Variants in ZNF850 observed in about 807,000 individuals in gnomAD.
ZNF850 encodes putative zinc finger protein ENSP00000330994.
Under a neutral mutation model 11.9 loss-of-function variants are expected in ZNF850, and 2 were observed. The observed-to-expected ratio is 0.17, with a 90% confidence interval of 0.07 to 0.53. ZNF850 has a LOEUF of 0.53. Ranked by LOEUF, ZNF850 falls within the 20% of genes least tolerant of loss-of-function variation. The probability of loss-of-function intolerance (pLI) is 0.94; values close to 1 mark genes in which losing one functional copy is unlikely to be tolerated. For synonymous variants in ZNF850, 381 were observed against 443.0 expected, an observed-to-expected ratio of 0.86 and a Z score of 1.76; for missense variants, 1,014 against 1,316.4, an observed-to-expected ratio of 0.77 and a Z score of 3.55.
chr19:36,762,616 T>C lies in ZNF850; in HGVS notation c.-10A>G. The C allele has an allele frequency of 6.5e-7, 1 of 1,535,950 alleles. No individual in the cohort carries two copies. Among genetic ancestry groups the C allele is most frequent in the South Asian group, 1.2e-5 (1 of 84,052 alleles). On this transcript the variant is annotated 5_prime_UTR_variant, in exon 2 of 5. Transcript: ENST00000591344. ...GTACCTCCATGTTCATGAATATTCC[T>C]GTTGCAGCCAGCAAACCTCCTTCAT... is the stretch of plus-strand genomic sequence containing the variant.
chr19:36,750,471 G>T lies in ZNF850; in HGVS notation c.569C>A (p.Thr190Asn). Residue 190 changes from threonine to asparagine, a missense_variant, in exon 5 of 5, where the codon ACC (threonine) becomes AAC (asparagine). This residue lies in a region of ZNF850 where 835 missense variants were observed against 1,022.0 expected (regional missense o/e 0.82). Coordinates refer to ENST00000591344, the MANE Select transcript of ZNF850 (RefSeq NM_001193552.2). The stretch of plus-strand genomic sequence containing the variant: ...TTTATAGAGTTTTTCACCAGTATGG[G>T]TTTCTTGCTGTTGTGTAAGTTCTGA... ...YGSELTQQQE[T>N]HTGEKLYKCK... 6.5e-7 allele frequency: 1 copy of T among 1,536,286 alleles called. No homozygotes were observed. The highest frequency in any genetic ancestry group is 8.7e-7 in the Non-Finnish European group (1 of 1,146,926).
Position 36,749,216 on chromosome 19 carries a change from C to T in ZNF850, c.1824G>A (p.Gln608=). 1 of 1,599,108 alleles carries T rather than the reference C, an allele frequency of 6.3e-7. No individual in the cohort carries two copies. The highest frequency in any genetic ancestry group is 8.5e-7 in the Non-Finnish European group (1 of 1,174,876). ...FTVGSTLLQH[Q]QIHTGEKPYD... is the part of the protein sequence containing the mutation. ...AAGGTTTCTCACCAGTGTGAATTTGCTGATGTTGAAGTAGTGTTGAGCCAA... is the reference window on the plus strand; with the variant it reads ...AAGGTTTCTCACCAGTGTGAATTTGTTGATGTTGAAGTAGTGTTGAGCCAA... The change falls in exon 5 of 5, where the codon CAG becomes CAA. Residue 608 remains glutamine (Q), a synonymous_variant. Transcript: ENST00000591344.
intron 3 of ZNF850, 79 bp downstream of exon 3, chr19:36,762,226 G>T (rs2040523290): frequency 8.0e-7 from 1 of 1,243,420 alleles, no homozygotes. Context: ...CAATTCCCTA[G>T]GCAACAGGTG....
chr19:36,766,038 A>G (rs1305569654), intron 1 of ZNF850, among the ~76,000 whole-genome samples: 1 of 151,438 alleles, frequency 6.6e-6, no homozygotes, highest in Non-Finnish European at 1.5e-5. Context: ...ACAGGCACAC[A>G]CCACCACACC....
Position 36,768,289 on chromosome 19 carries a change from TC to T in ZNF850, c.-70+4435del, listed in dbSNP as rs1287791905. On this transcript the variant is annotated intron_variant, in intron 1 of 4. Transcript: ENST00000591344. Reference sequence around the variant, plus strand: ...TGTTCAATAAACGTAGGTTATTCCCTCCCTATCTCCATAAAATCATCAATTT... The same window carrying T: ...TGTTCAATAAACGTAGGTTATTCCCTCCTATCTCCATAAAATCATCAATTT... 2.6e-5 allele frequency among the ~76,000 whole-genome samples: 4 copies of T among 152,210 alleles called. No individual in the cohort carries two copies. In the East Asian group the frequency reaches 7.7e-4, roughly 29 times the overall value.
Position 36,761,713 on chromosome 19 carries a change from C to A in ZNF850, c.165G>T (p.Val55=), listed in dbSNP as rs766129215. 1.0e-4 allele frequency: 163 copies of A among 1,557,126 alleles called. No individual in the cohort carries two copies. The highest frequency in any genetic ancestry group is 1.3e-4 in the Non-Finnish European group (153 of 1,156,654). Residue 55 remains valine, a synonymous_variant, in exon 4 of 5, where the codon GTG becomes GTT. Transcript: ENST00000591344. The part of the protein sequence containing the change: ...SLGLSIPKPD[V]ISLLEQGKEP... ...CTTTCCCTTGCTCCAGTAAGGAAAT[C>A]ACATCAGGCTTTGGGATAGAGAGAC... is the stretch of plus-strand genomic sequence containing the variant.
chr19:36,750,247 A>G lies in ZNF850; in HGVS notation c.793T>C (p.Ser265Pro). 1 of 1,537,774 alleles carries G rather than the reference A, an allele frequency of 6.5e-7. No individual in the cohort carries two copies. The highest frequency in any genetic ancestry group is 8.7e-7 in the Non-Finnish European group (1 of 1,146,850). The stretch of plus-strand genomic sequence containing the variant: ...CTCCAATGTTGAATAAGATGTGCAG[A>G]CGGTCTAAAGGCCTTCACGGATTCC... ...CQESVKAFRP[S>P]AHLIQHWRIH... Residue 265 changes from serine (S) to proline (P), a missense_variant, in exon 5 of 5, where the codon TCT becomes CCT. Ser to Pro is a moderately conservative substitution (Grantham distance 74). Around this residue, in one of 2 missense-constraint regions of ZNF850, gnomAD observed 835 missense variants for 1,022.0 expected, o/e 0.82. Coordinates refer to ENST00000591344, the MANE Select transcript of ZNF850 (RefSeq NM_001193552.2).
chr19:36,752,765 C>T (rs1405337595), intron 4 of ZNF850, among the ~76,000 whole-genome samples: 1 of 152,034 alleles, frequency 6.6e-6, no homozygotes, highest in Non-Finnish European at 1.5e-5. Flanking sequence ...ACAACAAAAC[C>T]TCACTGGAAT....
intron 1 of ZNF850, among the ~76,000 whole-genome samples, chr19:36,765,079 G>T (rs2040541875): frequency 6.6e-6 from 1 of 152,174 alleles, no homozygotes; most frequent in African/African-American, 2.4e-5. Context: ...ATGTGCAGTA[G>T]CCCTGCTAGC....
Position 36,749,708 on chromosome 19 carries a change from A to G in ZNF850, c.1332T>C (p.Thr444=), listed in dbSNP as rs1464177402. The part of the protein sequence containing the change: ...STLIQHQRIH[T]GEKPYDCKEC... ...CCTTACAATCATAGGGTTTCTCACC[A>G]GTGTGAATTCGCTGATGTTGAATTA... The change falls in exon 5 of 5, where the codon ACT becomes ACC. Residue 444 remains threonine (T), a synonymous_variant. Transcript: ENST00000591344. The G allele has an allele frequency of 6.4e-7, 1 of 1,560,670 alleles. No homozygotes were observed. Among genetic ancestry groups the G allele is most frequent in the East Asian group, 2.4e-5 (1 of 41,846 alleles).
At chr19:36,766,737 A>G (rs964051667) in intron 1 of ZNF850, among the ~76,000 whole-genome samples, 5 of 152,170 alleles carry the variant, frequency 3.3e-5, no homozygotes, top group Non-Finnish European at 7.3e-5. Flanking sequence ...ACGCTAATCT[A>G]TTTGAATGTG....
At chr19:36,761,523 C>T (rs1428163328) in intron 4 of ZNF850, 120 bp downstream of exon 4, 2 of 507,164 alleles carry the variant, frequency 3.9e-6, no homozygotes, top group African/African-American at 1.9e-5. Flanking sequence ...TCTTAGGCCA[C>T]CACCCTTACA....
At chr19:36,769,186 CG>C (rs1405082452) in intron 1 of ZNF850, among the ~76,000 whole-genome samples, 3 of 146,726 alleles carry the variant, frequency 2.0e-5, no homozygotes, top group Non-Finnish European at 4.5e-5. Flanking sequence ...CACTTGAACC[CG>C]GCAGGCGGAG....
At chr19:36,756,136 C>T (rs2040485303) in intron 4 of ZNF850, among the ~76,000 whole-genome samples, 1 of 152,024 alleles carries the variant, frequency 6.6e-6, no homozygotes, top group Admixed American at 6.6e-5. Context: ...AATCTCCTGA[C>T]CTTGTGATCC....
Position 36,745,678 on chromosome 19 carries a change from C to CA in ZNF850, c.*2088dup, listed in dbSNP as rs3055095. ...GGGCAACAAGAGCAAAACTCCATCT[C>CA]AAAAAAAAAAAAAAGAAAAAAGAAA... On this transcript the variant is annotated 3_prime_UTR_variant, in exon 5 of 5. Coordinates refer to ENST00000591344, the MANE Select transcript of ZNF850 (RefSeq NM_001193552.2). 3.7e-4 allele frequency: 52 copies of CA among 141,138 alleles called. No homozygotes were observed. The highest frequency in any genetic ancestry group is 3.6e-3 in the Middle Eastern group (1 of 278). 8.7% of individuals were successfully genotyped at this position (141,138 alleles called of 1,614,324 possible). A position where few individuals can be genotyped will look rare whatever the true frequency, so the allele number is the denominator to read the frequency against.
At chr19:36,772,199 T>C (rs746805034) in intron 1 of ZNF850, among the ~76,000 whole-genome samples, 17 of 152,260 alleles carry the variant, frequency 1.1e-4, no homozygotes, top group Middle Eastern at 3.4e-3. Flanking sequence ...GTTTTCCTTA[T>C]GTATGCCTGC....
At chr19:36,767,054 T>C (rs1001004360) in intron 1 of ZNF850, among the ~76,000 whole-genome samples, 1 of 151,690 alleles carries the variant, frequency 6.6e-6, no homozygotes, top group African/African-American at 2.4e-5. Flanking sequence ...ATGGCCAACA[T>C]GGTGAAACCC....
In ZNF850 at chr19:36,756,051, G is replaced by A. The variant is rs753233728; in HGVS notation, c.236-5247C>T. On this transcript the variant is annotated intron_variant, in intron 4 of 4. Transcript: ENST00000591344. ...ATCCCTAGTAGCTGGGATTACAGGCGCCCGCCATGACACCCAGCTAATGTT... is the reference window on the plus strand; with the variant it reads ...ATCCCTAGTAGCTGGGATTACAGGCACCCGCCATGACACCCAGCTAATGTT... Among the ~76,000 whole-genome samples the A allele has an allele frequency of 1.4e-4, 21 of 151,382 alleles. 1 individual carries two copies. The highest frequency in any genetic ancestry group is 2.7e-4 in the Non-Finnish European group (18 of 67,846).
In ZNF850 at chr19:36,749,389, G is replaced by A; in HGVS notation, c.1651C>T (p.His551Tyr). ...TTCTCACCAGTGTGAACTGCCTGAT[G>A]TCCAATTAGCCCTGAGCGAAAAGTA... ...SFTFRSGLIG[H>Y]QAVHTGEKPY... The change falls in exon 5 of 5, where the codon CAT becomes TAT. Residue 551 changes from histidine to tyrosine, a missense_variant. Around this residue, in one of 2 missense-constraint regions of ZNF850, gnomAD observed 835 missense variants for 1,022.0 expected, o/e 0.82. Coordinates refer to ENST00000591344, the MANE Select transcript of ZNF850 (RefSeq NM_001193552.2). 6.5e-7 allele frequency: 1 copy of A among 1,549,374 alleles called. No individual in the cohort carries two copies. Among genetic ancestry groups the A allele is most frequent in the Non-Finnish European group, 8.7e-7 (1 of 1,152,066 alleles).
Sources: allele counts gnomAD v4.1 joint callset (sites outside exome capture counted in the v4.1 genomes callset), GRCh38; gene constraint gnomAD v4.1.1; regional missense constraint gnomAD v4.1.1; transcripts MANE v1.5; gene names NCBI Gene and HGNC (gene_info 2026-07-23, HGNC 2026-07-21).